The following KDM7A variants were observed in gnomAD, a reference collection of about 807,000 sequenced individuals.
KDM7A encodes the protein lysine demethylase 7A.
Under a neutral mutation model 114.8 loss-of-function variants are expected in KDM7A, and 28 were observed. That is an observed-to-expected ratio of 0.24 (90% CI 0.18 to 0.33). The LOEUF is 0.33. Ranked by LOEUF, KDM7A falls within the 10% of genes least tolerant of loss-of-function variation. The pLI is 1.00. For synonymous variants in KDM7A, 423 were observed against 397.8 expected, an observed-to-expected ratio of 1.06 and a Z score of -0.75; for missense variants, 942 against 1,142.5, an observed-to-expected ratio of 0.82 and a Z score of 2.53.
chr7:140,131,391 A>T (rs536942815), intron 3 of KDM7A, among the ~76,000 whole-genome samples: 7 of 152,306 alleles, frequency 4.6e-5, no homozygotes, highest in African/African-American at 1.7e-4. Flanking sequence ...TAAAGGTTAA[A>T]ACACAATAGT....
intron 7 of KDM7A, among the ~76,000 whole-genome samples, chr7:140,123,011 C>A (rs1044394599): frequency 8.5e-5 from 13 of 152,164 alleles, no homozygotes; most frequent in Non-Finnish European, 1.8e-4. Context: ...ACAAACTCAA[C>A]AATTAAAAAG....
intron 6 of KDM7A, among the ~76,000 whole-genome samples, 178 bp downstream of exon 6, chr7:140,126,459 G>T: frequency 9.3e-6 from 1 of 107,450 alleles, no homozygotes; most frequent in Admixed American, 9.4e-5. Flanking sequence ...CATTATTTGA[G>T]ATTAAAAAAA....
chr7:140,128,699 G>A (rs900475587), intron 4 of KDM7A, among the ~76,000 whole-genome samples: 1 of 152,174 alleles, frequency 6.6e-6, no homozygotes. Context: ...CCAATGGCTC[G>A]ATAAAGGGAC....
intron 14 of KDM7A, 69 bp downstream of exon 14, chr7:140,098,810 G>A: frequency 7.4e-7 from 1 of 1,342,820 alleles, no homozygotes; most frequent in Non-Finnish European, 1.0e-6. Flanking sequence ...TTCAAAATTA[G>A]CAAGTTACTT....
Position 140,158,839 on chromosome 7 carries a change from T to C in KDM7A, c.194+17905A>G, listed in dbSNP as rs111910279. On this transcript the variant is annotated intron_variant, in intron 1 of 19. Transcript: ENST00000397560. ...ATAACTTTGAAAAGAACTGTTTCAA[T>C]AGTGTGTTAACAATGAAAGCCTGAT... Among the ~76,000 whole-genome samples, 406 of 152,226 alleles carry C rather than the reference T, an allele frequency of 2.7e-3. 4 individuals carry two copies. The highest frequency in any genetic ancestry group is 9.3e-3 in the African/African-American group (388 of 41,536).
rs1238425965 is a variant in KDM7A, at chr7:140,176,345, G to GGGCGC, written c.194+394_194+398dup. On this transcript the variant is annotated intron_variant, in intron 1 of 19. Coordinates refer to ENST00000397560, the MANE Select transcript of KDM7A (RefSeq NM_030647.2). The surrounding 1 kb of genome is among the most constrained non-coding windows in gnomAD (Gnocchi z 4.4). Reference sequence around the variant, plus strand: ...GGCCGGCGACTCCGGCCGGAGCCCCGGGCGCGGCGGGGCGGGGCGGGGCGG... The same window carrying GGGCGC: ...GGCCGGCGACTCCGGCCGGAGCCCCGGGCGCGGCGCGGCGGGGCGGGGCGGGGCGG... 2.1e-5 allele frequency among the ~76,000 whole-genome samples: 3 copies of GGGCGC among 142,968 alleles called. No individual in the cohort carries two copies. The highest frequency in any genetic ancestry group is 4.9e-5 in the African/African-American group (2 of 40,406). The allele number at this position is 142,968 out of a possible 152,430, so 93.8% of individuals were successfully genotyped here. A position where few individuals can be genotyped will look rare whatever the true frequency, so the allele number is the denominator to read the frequency against.
chr7:140,152,405 G>A (rs1215954362), intron 1 of KDM7A, among the ~76,000 whole-genome samples: 2 of 152,100 alleles, frequency 1.3e-5, no homozygotes, highest in Admixed American at 6.6e-5. Context: ...AGGATGGATT[G>A]CTTGAGGCCA....
Position 140,113,701 on chromosome 7 carries a change from A to G in KDM7A, c.1247-119T>C, listed in dbSNP as rs1818468566. 4 of 468,602 alleles carry G rather than the reference A, an allele frequency of 8.5e-6. No homozygotes were observed. The East Asian group carries it at 9.9e-5, about 12-fold the overall frequency. 29.0% of individuals were successfully genotyped at this position (468,602 alleles called of 1,614,324 possible). On this transcript the variant is annotated intron_variant, in intron 9 of 19. Transcript: ENST00000397560. ...AAAACTATATAACTTCCAAATTAATAAAAATATAAAAAGTGAAATATGAAA... is the reference window on the plus strand; with the variant it reads ...AAAACTATATAACTTCCAAATTAATGAAAATATAAAAAGTGAAATATGAAA...
At chr7:140,119,933 G>A (rs1818592479) in intron 8 of KDM7A, among the ~76,000 whole-genome samples, 1 of 152,152 alleles carries the variant, frequency 6.6e-6, no homozygotes, top group African/African-American at 2.4e-5. Flanking sequence ...TTTACCATAA[G>A]CAATGTTACC....
At position 140,096,581 on chromosome 7, in the gene KDM7A, T is replaced by A; in HGVS notation, c.2348A>T (p.Tyr783Phe). 6.2e-7 allele frequency: 1 copy of A among 1,614,170 alleles called. No homozygotes were observed. Among genetic ancestry groups the A allele is most frequent in the Non-Finnish European group, 8.5e-7 (1 of 1,179,964 alleles). Residue 783 changes from tyrosine to phenylalanine, a missense_variant, in exon 17 of 20, where the codon TAT becomes TTT. By Grantham distance (22) the Tyr-to-Phe change is conservative. This residue lies in a region of KDM7A where 512 missense variants were observed against 576.6 expected (regional missense o/e 0.89). Coordinates refer to ENST00000397560, the MANE Select transcript of KDM7A (RefSeq NM_030647.2). ...HGSNHEVRQL[Y>F]RYDKPVECGY... ...ACATTCCACTGGTTTATCATAGCGATACAACTGCCTAACCTCATGGTTACT... is the reference window on the plus strand; with the variant it reads ...ACATTCCACTGGTTTATCATAGCGAAACAACTGCCTAACCTCATGGTTACT...
At chr7:140,113,700 T>A in intron 9 of KDM7A, 118 bp from the exon 10 acceptor site, 1 of 457,826 alleles carries the variant, frequency 2.2e-6, no homozygotes, top group Non-Finnish European at 3.9e-6. Context: ...TCCAAATTAA[T>A]AAAAATATAA....
intron 1 of KDM7A, among the ~76,000 whole-genome samples, chr7:140,168,329 G>A (rs1213685317): frequency 6.6e-6 from 1 of 152,178 alleles, no homozygotes; most frequent in Non-Finnish European, 1.5e-5. Flanking sequence ...ACTTTGGAAG[G>A]CCAAGGTGGG....
chr7:140,166,008 A>C (rs1794570661), intron 1 of KDM7A, among the ~76,000 whole-genome samples: 1 of 152,192 alleles, frequency 6.6e-6, no homozygotes, highest in Non-Finnish European at 1.5e-5. Context: ...ACACTGTTGT[A>C]ATGTTCTATT....
At chr7:140,100,044 C>G in intron 12 of KDM7A, 21 bp from the exon 13 acceptor site, 1 of 1,613,742 alleles carries the variant, frequency 6.2e-7, no homozygotes, top group African/African-American at 1.3e-5. Context: ...AAATGCAGAA[C>G]TTACTTACCA....
rs1280851795 is a variant in KDM7A, at chr7:140,087,248, A to C, written c.*3846T>G. The stretch of plus-strand genomic sequence containing the variant: ...TATCTAGTACCTGAAGAGTATGCTG[A>C]ATCTGTGGGGATGGTACTTTCCTAA... On this transcript the variant is annotated 3_prime_UTR_variant, in exon 20 of 20. Transcript: ENST00000397560. The C allele has an allele frequency of 1.3e-5, 2 of 152,204 alleles. No individual in the cohort carries two copies. Among genetic ancestry groups the C allele is most frequent in the Non-Finnish European group, 2.9e-5 (2 of 68,048 alleles). 9.4% of individuals were successfully genotyped at this position (152,204 alleles called of 1,614,324 possible). A position where few individuals can be genotyped will look rare whatever the true frequency, so the allele number is the denominator to read the frequency against.
At chr7:140,162,996 CT>C (rs531552532) in intron 1 of KDM7A, among the ~76,000 whole-genome samples, 4,018 of 137,502 alleles carry the variant, frequency 0.029, 63 homozygotes, top group Non-Finnish European at 0.041. Flanking sequence ...CTTTTCTTTC[CT>C]TTTTTTTTTT....
chr7:140,139,985 A>G (rs1056950097), intron 1 of KDM7A, among the ~76,000 whole-genome samples: 27 of 152,228 alleles, frequency 1.8e-4, no homozygotes, highest in African/African-American at 6.3e-4. Flanking sequence ...ATCACTTAGT[A>G]ATTTTAAAAA....
intron 1 of KDM7A, among the ~76,000 whole-genome samples, chr7:140,156,180 C>A (rs1794456042): frequency 6.6e-6 from 1 of 152,160 alleles, no homozygotes; most frequent in South Asian, 2.1e-4. Flanking sequence ...ACCTTCAAGG[C>A]AGTGTATTTT....
chr7:140,132,862 G>T (rs1818811725), intron 3 of KDM7A, among the ~76,000 whole-genome samples: 1 of 152,174 alleles, frequency 6.6e-6, no homozygotes, highest in East Asian at 1.9e-4. Flanking sequence ...ATGTGATACT[G>T]TGATTTAAAT....
Sources: gnomAD v4.1 joint callset for allele counts (sites outside exome capture counted in the v4.1 genomes callset) on GRCh38, gnomAD v4.1.1 for gene constraint, gnomAD v4.1.1 regional missense constraint, Gnocchi (gnomAD v3.1) non-coding constraint, MANE v1.5 for transcripts, NCBI Gene and HGNC (gene_info 2026-07-23, HGNC 2026-07-21) for gene names.